The following WDR7 variants were observed in gnomAD, a reference collection of about 807,000 sequenced individuals.
The protein encoded by WDR7 is WD repeat domain 7.
WDR7 carries 46 observed loss-of-function variants against 169.4 expected under a neutral mutation model. That is an observed-to-expected ratio of 0.27 (90% CI 0.21 to 0.35). The LOEUF is 0.35. WDR7 is among the 10% of genes least tolerant of loss of function. WDR7 has a pLI of 1.00. For synonymous variants in WDR7, 612 were observed against 666.8 expected (o/e 0.92, Z 1.27); for missense variants, 1,534 against 1,859.3 (o/e 0.83, Z 3.22).
intron 26 of WDR7, among the ~76,000 whole-genome samples, chr18:56,995,660 A>T (rs116620855): frequency 6.6e-6 from 1 of 152,164 alleles, no homozygotes; most frequent in Admixed American, 6.5e-5. Flanking sequence ...TTAGTCCTTT[A>T]TACCACAAAA....
Position 56,799,416 on chromosome 18 carries a change from T to G in WDR7, c.3191-16615T>G, listed in dbSNP as rs144228610. Among the ~76,000 whole-genome samples the G allele has an allele frequency of 6.0e-3, 835 of 139,172 alleles. 10 individuals carry two copies. Among genetic ancestry groups the G allele is most frequent in the African/African-American group, 0.022 (792 of 35,872 alleles). The allele number at this position is 139,172 out of a possible 152,430, so 91.3% of individuals were successfully genotyped here. A position where few individuals can be genotyped will look rare whatever the true frequency, so the allele number is the denominator to read the frequency against. ...ATATTTGTGGCTTTTATATCAAATA[T>G]TTTGGTTTTTTTTATTCATCAGAAC... On this transcript the variant is annotated intron_variant, in intron 19 of 27. Coordinates refer to ENST00000254442, the MANE Select transcript of WDR7 (RefSeq NM_015285.3).
chr18:56,817,941 C>G (rs1308000694), intron 20 of WDR7, among the ~76,000 whole-genome samples: 1 of 152,086 alleles, frequency 6.6e-6, no homozygotes, highest in Non-Finnish European at 1.5e-5. Flanking sequence ...AACAGAGTTT[C>G]ACCATATTGG....
intron 21 of WDR7, among the ~76,000 whole-genome samples, chr18:56,895,648 A>G (rs2046322719): frequency 6.6e-6 from 1 of 151,910 alleles, no homozygotes; most frequent in African/African-American, 2.4e-5. Flanking sequence ...ATTATTACAC[A>G]TTGTATGACT....
At chr18:57,003,076 T>C (rs149071673) in intron 26 of WDR7, among the ~76,000 whole-genome samples, 396 of 152,274 alleles carry the variant, frequency 2.6e-3, no homozygotes, top group African/African-American at 8.2e-3. Flanking sequence ...CATCTTGCTA[T>C]TGTTGAAAAT....
intron 19 of WDR7, among the ~76,000 whole-genome samples, chr18:56,808,279 A>G (rs1439343129): frequency 6.6e-6 from 1 of 152,152 alleles, no homozygotes; most frequent in Non-Finnish European, 1.5e-5. Context: ...GTTAAATTTT[A>G]CCTCATTCAC....
chr18:56,931,477 T>C (rs1018112486), intron 22 of WDR7, among the ~76,000 whole-genome samples: 1 of 152,238 alleles, frequency 6.6e-6, no homozygotes, highest in Admixed American at 6.5e-5. Flanking sequence ...GATTTTTTTT[T>C]CTGCCTGCTG....
At chr18:56,944,600 C>A (rs748847190) in intron 25 of WDR7, among the ~76,000 whole-genome samples, 2 of 152,010 alleles carry the variant, frequency 1.3e-5, no homozygotes, top group African/African-American at 2.4e-5. Flanking sequence ...AGCATCTATA[C>A]AAAAAATTTA....
intron 16 of WDR7, among the ~76,000 whole-genome samples, chr18:56,772,671 A>G (rs1252130219): frequency 6.6e-6 from 1 of 151,790 alleles, no homozygotes; most frequent in Non-Finnish European, 1.5e-5. Context: ...ATAAATGACT[A>G]TTCGTATAGA....
At chr18:56,994,435 A>G (rs1046602370) in intron 26 of WDR7, among the ~76,000 whole-genome samples, 1 of 152,118 alleles carries the variant, frequency 6.6e-6, no homozygotes, top group Non-Finnish European at 1.5e-5. Flanking sequence ...TGCTTGTAGC[A>G]TTTCTGAGTT....
rs115152060 is a variant in WDR7, at chr18:56,858,205, A to G, written c.3305-21739A>G. On this transcript the variant is annotated intron_variant, in intron 20 of 27. Transcript: ENST00000254442. ...TGTACAGATTTGAAACCTTAAAGTT[A>G]TGTTTGACTCTTCACTCTCTTTAGC... 9.4e-3 allele frequency among the ~76,000 whole-genome samples: 1,428 copies of G among 152,216 alleles called. 22 individuals carry two copies. The highest frequency in any genetic ancestry group is 0.032 in the African/African-American group (1,345 of 41,540).
At chr18:56,820,306 C>T (rs147398165) in intron 20 of WDR7, among the ~76,000 whole-genome samples, 1,986 of 96,386 alleles carry the variant, frequency 0.021, 27 homozygotes, top group East Asian at 0.059. Context: ...TGACCAAAAA[C>T]GATGATAAAG....
chr18:56,841,493 C>T (rs1306059351), intron 20 of WDR7, among the ~76,000 whole-genome samples: 1 of 150,598 alleles, frequency 6.6e-6, no homozygotes, highest in Non-Finnish European at 1.5e-5. Context: ...TTGCAGTGAG[C>T]CAAGATCACG....
At chr18:56,781,701 A>G in intron 19 of WDR7, 45 bp downstream of exon 19, 2 of 1,488,296 alleles carry the variant, frequency 1.3e-6, no homozygotes, top group Non-Finnish European at 1.8e-6. Context: ...AGGAATATGT[A>G]GAAAAGGTAC....
chr18:56,908,771 T>A (rs2046513982), intron 21 of WDR7, among the ~76,000 whole-genome samples: 2 of 152,214 alleles, frequency 1.3e-5, no homozygotes, highest in African/African-American at 4.8e-5. Flanking sequence ...GACTGCCACC[T>A]ACCAGTCAGT....
rs144718610 is a variant in WDR7, at chr18:56,858,476, A to T, written c.3305-21468A>T. On this transcript the variant is annotated intron_variant, in intron 20 of 27. Transcript: ENST00000254442. ...TTCACATTCTTTTTTTTATTTTAAG[A>T]TTTTTATCATTTATTTTTTAATGTA... Among the ~76,000 whole-genome samples the T allele has an allele frequency of 3.8e-3, 578 of 151,928 alleles. 4 individuals are homozygous for T. The highest frequency in any genetic ancestry group is 0.013 in the African/African-American group (552 of 41,426).
intron 20 of WDR7, among the ~76,000 whole-genome samples, chr18:56,851,519 G>A (rs1176629409): frequency 6.6e-6 from 1 of 152,070 alleles, no homozygotes; most frequent in Non-Finnish European, 1.5e-5. Flanking sequence ...CTCTTTACTT[G>A]TTCATCTTCC....
chr18:56,758,245 T>C (rs1055893654), intron 15 of WDR7, among the ~76,000 whole-genome samples: 6 of 152,240 alleles, frequency 3.9e-5, no homozygotes, highest in East Asian at 1.9e-4. Context: ...CAAATACTTA[T>C]ATAGCACTTA....
chr18:56,671,079 G>A lies in WDR7; in HGVS notation c.-19-1418G>A, dbSNP rs2144514603. On this transcript the variant is annotated intron_variant, in intron 1 of 27. Transcript: ENST00000254442. ...TCATATGTGCTCTCCTGCAAGAGGT[G>A]CACTCCAGGATGCTCTGGTTAATCT... 2.0e-5 allele frequency among the ~76,000 whole-genome samples: 3 copies of A among 152,248 alleles called. 1 individual carries two copies. In the Middle Eastern group the frequency reaches 0.01, roughly 518 times the overall value.
At chr18:57,013,453 A>G (rs933436733) in intron 26 of WDR7, among the ~76,000 whole-genome samples, 1 of 111,898 alleles carries the variant, frequency 8.9e-6, no homozygotes, top group Non-Finnish European at 2.0e-5. Context: ...GACCTTTGCT[A>G]AATCCACTTT....
Sources: allele counts gnomAD v4.1 joint callset (sites outside exome capture counted in the v4.1 genomes callset), GRCh38; gene constraint gnomAD v4.1.1; transcripts MANE v1.5; gene names NCBI Gene and HGNC (gene_info 2026-07-23, HGNC 2026-07-21).